The following PTPN11 variants were observed in gnomAD, a reference collection of about 807,000 sequenced individuals.
PTPN11 encodes protein tyrosine phosphatase non-receptor type 11, also known as tyrosine-protein phosphatase non-receptor type 11.
Under a neutral mutation model 78.8 loss-of-function variants are expected in PTPN11, and 6 were observed. That is an observed-to-expected ratio of 0.08 (90% CI 0.04 to 0.15). The LOEUF is 0.15. Ranked by LOEUF, PTPN11 falls within the 10% of genes least tolerant of loss-of-function variation. The probability of loss-of-function intolerance (pLI) is 1.00; values close to 1 mark genes in which losing one functional copy is unlikely to be tolerated. For missense variants in PTPN11, 386 were observed against 744.8 expected (o/e 0.52, Z 5.61); for synonymous variants, 221 against 263.5 (o/e 0.84, Z 1.56).
At chr12:112,424,955 A>ATT (rs1261645116) in intron 1 of PTPN11, among the ~76,000 whole-genome samples, 19 of 58,244 alleles carry the variant, frequency 3.3e-4, no homozygotes, top group African/African-American at 1.0e-3. Context: ...TGTCAGGCTA[A>ATT]TTGTGTGTGT....
rs142856550 is a variant in PTPN11, at chr12:112,443,755, C to T, written c.15-2521C>T. On this transcript the variant is annotated intron_variant, in intron 1 of 15. Transcript: ENST00000351677. ...GCAACCTGGACCTCCTGGGCTCAGGCGATCCTCCCACCTCAGCCTCCTTAG... is the reference window on the plus strand; with the variant it reads ...GCAACCTGGACCTCCTGGGCTCAGGTGATCCTCCCACCTCAGCCTCCTTAG... Among the ~76,000 whole-genome samples the T allele has an allele frequency of 8.5e-4, 129 of 150,890 alleles. 1 individual carries two copies. Among genetic ancestry groups the T allele is most frequent in the Non-Finnish European group, 1.5e-3 (103 of 67,848 alleles).
rs1421069242 is a variant in PTPN11, at chr12:112,482,038, A to C, written c.1093-36A>C. The C allele has an allele frequency of 6.5e-7, 1 of 1,531,656 alleles. No homozygotes were observed. Among genetic ancestry groups the C allele is most frequent in the Admixed American group, 1.7e-5 (1 of 59,806 alleles). The allele number at this position is 1,531,656 out of a possible 1,614,324, so 94.9% of individuals were successfully genotyped here. On this transcript the variant is annotated intron_variant, in intron 9 of 15. Coordinates refer to ENST00000351677, the MANE Select transcript of PTPN11 (RefSeq NM_002834.5). The surrounding 1 kb of genome is among the most constrained non-coding windows in gnomAD (Gnocchi z 4.4). ...TGTTTAGGCTTTTATTTCAGAGTTC[A>C]CAGAATTAACTTTCTTTTTTTCTGA...
intron 1 of PTPN11, among the ~76,000 whole-genome samples, chr12:112,441,967 G>C (rs960370806): frequency 8.6e-5 from 13 of 151,802 alleles, no homozygotes; most frequent in African/African-American, 1.7e-4. Context: ...TTAGTAGAGA[G>C]GGGGTTTCAC....
At chr12:112,433,049 T>C (rs2037737220) in intron 1 of PTPN11, among the ~76,000 whole-genome samples, 1 of 152,038 alleles carries the variant, frequency 6.6e-6, no homozygotes, top group East Asian at 1.9e-4. Flanking sequence ...TTAGTAGAGA[T>C]GGGGTTTCAC....
At chr12:112,483,857 T>C (rs146609778) in intron 10 of PTPN11, among the ~76,000 whole-genome samples, 1 of 152,012 alleles carries the variant, frequency 6.6e-6, no homozygotes, top group East Asian at 1.9e-4. Context: ...TTGAGAAAGG[T>C]CCGGGGGGAT....
chr12:112,495,853 A>C (rs2038807237), intron 13 of PTPN11, among the ~76,000 whole-genome samples: 1 of 152,214 alleles, frequency 6.6e-6, no homozygotes, highest in Non-Finnish European at 1.5e-5. Context: ...AATGAAAAAC[A>C]GAAGGGTTGT....
At chr12:112,468,971 C>T (rs1211688444) in intron 6 of PTPN11, among the ~76,000 whole-genome samples, 3 of 151,980 alleles carry the variant, frequency 2.0e-5, no homozygotes, top group Admixed American at 6.6e-5. Context: ...GGCTGAGGTG[C>T]GAGGATCACT....
chr12:112,486,941 A>T, intron 11 of PTPN11: 1 of 1,329,818 alleles, frequency 7.5e-7, no homozygotes, highest in Non-Finnish European at 9.7e-7. Context: ...GTTTCTCCTT[A>T]TTCTTCATGA....
chr12:112,455,869 ATG>A (rs1412493058), intron 5 of PTPN11, 79 bp from the exon 6 acceptor site: 112 of 813,276 alleles, frequency 1.4e-4, no homozygotes, highest in East Asian at 4.5e-4. Flanking sequence ...CAACATAGAC[ATG>A]TTTTTTTTTT....
chr12:112,429,956 A>G (rs868821658), intron 1 of PTPN11, among the ~76,000 whole-genome samples: 16 of 152,244 alleles, frequency 1.1e-4, no homozygotes, highest in Non-Finnish European at 2.2e-4. Flanking sequence ...GGCATGTGGC[A>G]AACATTCAGT....
At chr12:112,421,023 C>G (rs760387933) in intron 1 of PTPN11, among the ~76,000 whole-genome samples, 1 of 152,118 alleles carries the variant, frequency 6.6e-6, no homozygotes, top group African/African-American at 2.4e-5. Flanking sequence ...GTAATAGACC[C>G]TACATTGTCC....
At chr12:112,442,619 T>G (rs2135850819) in intron 1 of PTPN11, among the ~76,000 whole-genome samples, 1 of 150,516 alleles carries the variant, frequency 6.6e-6, no homozygotes, top group South Asian at 2.1e-4. Flanking sequence ...GGCCGGCTAA[T>G]TTTTGTATTT....
intron 13 of PTPN11, among the ~76,000 whole-genome samples, chr12:112,490,974 A>G (rs2038738269): frequency 6.6e-6 from 1 of 152,174 alleles, no homozygotes; most frequent in South Asian, 2.1e-4. Context: ...CTCATTCAGG[A>G]TAATTGGTTA....
At chr12:112,502,455 TC>T (rs1482675724) in intron 14 of PTPN11, among the ~76,000 whole-genome samples, 199 bp downstream of exon 14, 1 of 152,082 alleles carries the variant, frequency 6.6e-6, no homozygotes, top group Admixed American at 6.6e-5. Context: ...GTTTTAATTT[TC>T]CTAAGCTGGC....
At chr12:112,493,248 G>C (rs1228196027) in intron 13 of PTPN11, among the ~76,000 whole-genome samples, 1 of 152,022 alleles carries the variant, frequency 6.6e-6, no homozygotes, top group African/African-American at 2.4e-5. Context: ...TAGTAGAGGT[G>C]GGGTTTCACT....
In PTPN11 at chr12:112,454,795, C is replaced by T. The variant is rs890087345; in HGVS notation, c.642+115C>T. ...ATAGTATCATCAGCCTCCATGTACCCATTGCAGCTTCAACTATCAAATCTT... is the reference window on the plus strand; with the variant it reads ...ATAGTATCATCAGCCTCCATGTACCTATTGCAGCTTCAACTATCAAATCTT... On this transcript the variant is annotated intron_variant, in intron 5 of 15. Transcript: ENST00000351677. The T allele has an allele frequency of 1.4e-5, 10 of 732,696 alleles. No individual in the cohort carries two copies. In the African/African-American group the frequency reaches 1.7e-4, roughly 13 times the overall value. 45.4% of individuals were successfully genotyped at this position (732,696 alleles called of 1,614,324 possible).
At chr12:112,471,756 A>C (rs1592842829) in intron 6 of PTPN11, among the ~76,000 whole-genome samples, 1 of 148,262 alleles carries the variant, frequency 6.7e-6, no homozygotes. Flanking sequence ...TTCTTCTCCC[A>C]CTTTTTTTTT....
At chr12:112,452,295 C>A (rs945651037) in intron 3 of PTPN11, among the ~76,000 whole-genome samples, 8 of 151,730 alleles carry the variant, frequency 5.3e-5, no homozygotes, top group African/African-American at 1.9e-4. Flanking sequence ...GGTGCGATCT[C>A]AGCTCACTGC....
chr12:112,496,351 C>G (rs1248016507), intron 13 of PTPN11, among the ~76,000 whole-genome samples: 1 of 152,104 alleles, frequency 6.6e-6, no homozygotes, highest in Non-Finnish European at 1.5e-5. Flanking sequence ...CTAGAATCAT[C>G]CATTTTTCTA....
Sources: gnomAD v4.1 joint callset for allele counts (sites outside exome capture counted in the v4.1 genomes callset) on GRCh38, gnomAD v4.1.1 for gene constraint, Gnocchi (gnomAD v3.1) non-coding constraint, MANE v1.5 for transcripts, NCBI Gene and HGNC (gene_info 2026-07-23, HGNC 2026-07-21) for gene names.